Variants in INSR observed in about 807,000 individuals in gnomAD.
INSR encodes the protein IR.
A neutral mutation model predicts 142.6 loss-of-function variants in INSR; 67 were observed. The observed-to-expected ratio is 0.47, with a 90% CI of 0.39 to 0.58. INSR has a LOEUF of 0.58. Among genes scored for constraint, INSR ranks in the 20% least tolerant of loss-of-function variants. The probability of loss-of-function intolerance (pLI) is 0.00; values close to 1 mark genes in which losing one functional copy is unlikely to be tolerated. For synonymous variants in INSR, 756 were observed against 743.1 expected (o/e 1.02, Z -0.28); for missense variants, 1,248 against 1,833.2 (o/e 0.68, Z 5.83).
intron 1 of INSR, among the ~76,000 whole-genome samples, chr19:7,285,135 C>T (rs940944413): frequency 1.3e-5 from 2 of 151,526 alleles, no homozygotes; most frequent in African/African-American, 2.4e-5. Context: ...GGCAACATAG[C>T]GAGCCCTTAT....
At chr19:7,229,291 A>C (rs1167737279) in intron 2 of INSR, among the ~76,000 whole-genome samples, 2 of 130,966 alleles carry the variant, frequency 1.5e-5, no homozygotes, top group Middle Eastern at 9.3e-3. Context: ...GAGCAAGTGG[A>C]TGGAGGGATG....
chr19:7,223,453 G>A (rs1228757101), intron 2 of INSR, among the ~76,000 whole-genome samples: 3 of 152,154 alleles, frequency 2.0e-5, no homozygotes, highest in Non-Finnish European at 2.9e-5. Flanking sequence ...AGGGTTACCT[G>A]GGCACACTGT....
In INSR at chr19:7,192,081, AAAG is replaced by A. The variant is rs1599976268; in HGVS notation, c.653-7447_653-7445del. Among the ~76,000 whole-genome samples, 2 of 151,098 alleles carry A rather than the reference AAAG, an allele frequency of 1.3e-5. No homozygotes were observed. Among genetic ancestry groups the A allele is most frequent in the South Asian group, 4.2e-4 (2 of 4,772 alleles). On this transcript the variant is annotated intron_variant, in intron 2 of 21. Transcript: ENST00000302850. The surrounding 1 kb of genome is among the most constrained non-coding windows in gnomAD (Gnocchi z 4.2). ...GAAAGAAAGAAGGAAAGAAAGAGAG[AAAG>A]AAGAAAGAATACAGAAAGAGAAAAA...
At chr19:7,163,826 C>A (rs997454873) in intron 8 of INSR, among the ~76,000 whole-genome samples, 1 of 148,914 alleles carries the variant, frequency 6.7e-6, no homozygotes, top group African/African-American at 2.5e-5. Flanking sequence ...GCCTGTAATC[C>A]CAGCACTTTA....
rs1331223921 is a variant in INSR at position 7,163,146 on chromosome 19, T to C, written c.1915A>G (p.Ile639Val). 1.2e-6 allele frequency: 2 copies of C among 1,613,898 alleles called. No homozygotes were observed. Among genetic ancestry groups the C allele is most frequent in the East Asian group, 2.2e-5 (1 of 44,870 alleles). Residue 639 changes from isoleucine (I) to valine (V), a missense_variant, in exon 9 of 22, where the codon ATT (isoleucine) becomes GTT (valine). This residue lies in a region of INSR where 1,069 missense variants were observed against 1,654.0 expected (regional missense o/e 0.65). Coordinates refer to ENST00000302850, the MANE Select transcript of INSR (RefSeq NM_000208.4). ...TCGGAGGGTGGTTTCCACTTCAGAATAATCTGGGATGATGAGTTAGACACT... is the reference window on the plus strand; with the variant it reads ...TCGGAGGGTGGTTTCCACTTCAGAACAATCTGGGATGATGAGTTAGACACT... ...ISVSNSSSQI[I>V]LKWKPPSDPN...
chr19:7,231,131 AGCCTGT>A (rs1327526635), intron 2 of INSR, among the ~76,000 whole-genome samples: 1 of 152,212 alleles, frequency 6.6e-6, no homozygotes, highest in Non-Finnish European at 1.5e-5. Context: ...TACTCGGCAC[AGCCTGT>A]GCGCCACGGA....
chr19:7,139,666 T>A (rs556827678), intron 13 of INSR, among the ~76,000 whole-genome samples: 2 of 152,248 alleles, frequency 1.3e-5, no homozygotes, highest in African/African-American at 2.4e-5. Context: ...ATTTTAAAAA[T>A]GAATGTTAAA....
chr19:7,268,202 G>A (rs960215506), intron 1 of INSR, among the ~76,000 whole-genome samples: 1 of 152,128 alleles, frequency 6.6e-6, no homozygotes, highest in African/African-American at 2.4e-5. Context: ...TGAGTAACGC[G>A]GCAGGTGCAG....
chr19:7,187,233 C>T (rs1974454981), intron 2 of INSR, among the ~76,000 whole-genome samples: 1 of 151,966 alleles, frequency 6.6e-6, no homozygotes, highest in African/African-American at 2.4e-5. Context: ...GTGCCCACCA[C>T]CACACCCCGC....
At chr19:7,127,806 C>T (rs952731080) in intron 15 of INSR, among the ~76,000 whole-genome samples, 4 of 152,154 alleles carry the variant, frequency 2.6e-5, no homozygotes, top group Admixed American at 6.5e-5. Context: ...TGCAATGGTG[C>T]GATCTCGGCT....
chr19:7,137,944 C>G (rs1972976160), intron 13 of INSR, among the ~76,000 whole-genome samples: 1 of 148,586 alleles, frequency 6.7e-6, no homozygotes, highest in Non-Finnish European at 1.5e-5. Flanking sequence ...AGGGGGATTC[C>G]TTTTTCTTCT....
intron 13 of INSR, among the ~76,000 whole-genome samples, chr19:7,133,340 T>C (rs939771454): frequency 1.3e-5 from 2 of 152,192 alleles, no homozygotes; most frequent in African/African-American, 4.8e-5. Flanking sequence ...ACAGTATAAA[T>C]TGTGGAATGA....
chr19:7,153,248 CCA>C (rs1414697190), intron 9 of INSR, among the ~76,000 whole-genome samples: 1 of 142,598 alleles, frequency 7.0e-6, no homozygotes, highest in Non-Finnish European at 1.5e-5. Context: ...CATACACGCA[CCA>C]CACACACACT....
At position 7,153,468 on chromosome 19, in the gene INSR, ACACACACACCACACACGCAC is replaced by A. The variant is rs1031830231; in HGVS notation, c.2030-561_2030-542del. 1.4e-4 allele frequency among the ~76,000 whole-genome samples: 3 copies of A among 21,062 alleles called. No homozygotes were observed. In the South Asian group the frequency reaches 8.0e-3, roughly 56 times the overall value. 13.8% of individuals were successfully genotyped at this position (21,062 alleles called of 152,430 possible). On this transcript the variant is annotated intron_variant, in intron 9 of 21. Transcript: ENST00000302850. ...CACCACCACACCCACGCCACACACCACACACACACCACACACGCACCACACACACACACAGTGAAGGGGGC... is the reference window on the plus strand; with the variant it reads ...CACCACCACACCCACGCCACACACCACACACACACACACAGTGAAGGGGGC...
At chr19:7,164,345 C>T (rs1045542490) in intron 8 of INSR, among the ~76,000 whole-genome samples, 1 of 152,092 alleles carries the variant, frequency 6.6e-6, no homozygotes, top group African/African-American at 2.4e-5. Context: ...AGCAGTTAAC[C>T]TCCTTTGGGA....
At chr19:7,249,836 C>T (rs1976654274) in intron 2 of INSR, among the ~76,000 whole-genome samples, 2 of 151,862 alleles carry the variant, frequency 1.3e-5, no homozygotes, top group South Asian at 2.1e-4. Context: ...ACTAAAAATA[C>T]AAAAAATTAG....
rs930606415 is a variant in INSR at position 7,293,977 on chromosome 19, C to G, written c.-86G>C. Reference sequence around the variant, plus strand: ...TGCTCCGAGGCGGCCACCCAAGAGGCGCTGGGGGCCGCGCGTCCTTCTCTT... The same window carrying G: ...TGCTCCGAGGCGGCCACCCAAGAGGGGCTGGGGGCCGCGCGTCCTTCTCTT... On this transcript the variant is annotated 5_prime_UTR_variant, in exon 1 of 22. Coordinates refer to ENST00000302850, the MANE Select transcript of INSR (RefSeq NM_000208.4). 27 of 1,125,302 alleles carry G rather than the reference C, an allele frequency of 2.4e-5. No homozygotes were observed. The highest frequency in any genetic ancestry group is 2.9e-5 in the Non-Finnish European group (27 of 920,094). The allele number at this position is 1,125,302 out of a possible 1,614,324, so 69.7% of individuals were successfully genotyped here. A position where few individuals can be genotyped will look rare whatever the true frequency, so the allele number is the denominator to read the frequency against.
At chr19:7,135,090 T>TAAAAAAA (rs5826960) in intron 13 of INSR, among the ~76,000 whole-genome samples, 1 of 78,440 alleles carries the variant, frequency 1.3e-5, no homozygotes, top group Non-Finnish European at 2.2e-5. Context: ...AAAGAAATGT[T>TAAAAAAA]AAAAAAAAAA....
At chr19:7,282,724 C>T (rs989404187) in intron 1 of INSR, among the ~76,000 whole-genome samples, 3 of 151,450 alleles carry the variant, frequency 2.0e-5, no homozygotes, top group Admixed American at 6.6e-5. Flanking sequence ...CAGTGGCTCA[C>T]GCCTGTAATC....
Sources: gnomAD v4.1 joint callset for allele counts (sites outside exome capture counted in the v4.1 genomes callset) on GRCh38, gnomAD v4.1.1 for gene constraint, gnomAD v4.1.1 regional missense constraint, Gnocchi (gnomAD v3.1) non-coding constraint, MANE v1.5 for transcripts, NCBI Gene and HGNC (gene_info 2026-07-23, HGNC 2026-07-21) for gene names.